Variants in CHSY3 observed in about 807,000 individuals in gnomAD.
CHSY3 encodes chondroitin sulfate synthase 3.
In CHSY3, 35 loss-of-function variants were observed where a neutral mutation model predicts 67.2. That is an observed-to-expected ratio of 0.52 (90% CI 0.40 to 0.69). CHSY3 has a LOEUF of 0.69. Among genes scored for constraint, CHSY3 ranks in the 30% least tolerant of loss-of-function variants. The pLI, the probability that CHSY3 is intolerant of heterozygous loss-of-function variation, is 0.00. For missense variants in CHSY3, 1,069 were observed against 1,138.5 expected, an observed-to-expected ratio of 0.94 and a Z score of 0.88; for synonymous variants, 474 against 434.7, an observed-to-expected ratio of 1.09 and a Z score of -1.12.
At position 130,158,688 on chromosome 5, in the gene CHSY3, C is replaced by T. The variant is rs548686220; in HGVS notation, c.1087-25541C>T. Among the ~76,000 whole-genome samples, 7 of 152,258 alleles carry T rather than the reference C, an allele frequency of 4.6e-5. No individual in the cohort carries two copies. The South Asian group carries it at 1.0e-3, about 23-fold the overall frequency. On this transcript the variant is annotated intron_variant, in intron 2 of 2. Transcript: ENST00000305031. ...TTTTATAAAGGAAAGTATGGGTGAG[C>T]TGAAAACTTATTCTAGAGTTTTTGC...
chr5:130,160,544 T>C lies in CHSY3; in HGVS notation c.1087-23685T>C, dbSNP rs151107298. ...AACAGTTTACTGAGCACCTACTCTG[T>C]GCTTTCCTGGTGTCCTCGGCATTTG... is the stretch of plus-strand genomic sequence containing the variant. On this transcript the variant is annotated intron_variant, in intron 2 of 2. Transcript: ENST00000305031. Among the ~76,000 whole-genome samples, 623 of 152,376 alleles carry C rather than the reference T, an allele frequency of 4.1e-3. 8 individuals are homozygous for C. The highest frequency in any genetic ancestry group is 0.035 in the South Asian group (171 of 4,832).
intron 2 of CHSY3, among the ~76,000 whole-genome samples, chr5:129,958,596 T>A (rs866253293): frequency 6.6e-6 from 1 of 152,302 alleles, no homozygotes. Context: ...AGCAGTGTGA[T>A]CACAGATCAC....
chr5:129,936,196 C>T (rs1761482569), intron 2 of CHSY3, among the ~76,000 whole-genome samples: 1 of 152,160 alleles, frequency 6.6e-6, no homozygotes, highest in African/African-American at 2.4e-5. Flanking sequence ...TAATTTGCCT[C>T]TAATTCACTT....
chr5:130,017,180 GT>G (rs756102219), intron 2 of CHSY3, among the ~76,000 whole-genome samples: 72 of 149,636 alleles, frequency 4.8e-4, no homozygotes, highest in African/African-American at 6.4e-4. Context: ...GCCGGCAGTT[GT>G]TTTTTTTTTC....
rs564124012 is a variant in CHSY3, at chr5:129,988,175, T to A, written c.1086+79815T>A. 2.0e-5 allele frequency among the ~76,000 whole-genome samples: 3 copies of A among 152,314 alleles called. No individual in the cohort carries two copies. The East Asian group carries it at 5.8e-4, about 29-fold the overall frequency. ...CCAGAGAAATGTACTCTCTTTACAATGACATATTGTTCCCTGAATTTGGAT... is the reference window on the plus strand; with the variant it reads ...CCAGAGAAATGTACTCTCTTTACAAAGACATATTGTTCCCTGAATTTGGAT... On this transcript the variant is annotated intron_variant, in intron 2 of 2. Transcript: ENST00000305031.
intron 2 of CHSY3, among the ~76,000 whole-genome samples, chr5:129,956,383 G>T (rs2149604535): frequency 6.6e-6 from 1 of 151,932 alleles, no homozygotes. Context: ...GATGTCCTTT[G>T]TCCACTTTTT....
chr5:130,121,360 C>T (rs1304828682), intron 2 of CHSY3, among the ~76,000 whole-genome samples: 1 of 152,056 alleles, frequency 6.6e-6, no homozygotes, highest in African/African-American at 2.4e-5. Flanking sequence ...ACCTAGAAAT[C>T]CATTTTTCTA....
intron 2 of CHSY3, among the ~76,000 whole-genome samples, chr5:130,034,835 C>T (rs1426017193): frequency 1.3e-5 from 2 of 151,930 alleles, no homozygotes; most frequent in Non-Finnish European, 2.9e-5. Context: ...GAAAATGAGG[C>T]AGAAAAATAT....
intron 2 of CHSY3, among the ~76,000 whole-genome samples, chr5:129,909,042 T>C (rs752629748): frequency 6.6e-6 from 1 of 152,174 alleles, no homozygotes; most frequent in African/African-American, 2.4e-5. Flanking sequence ...TCTATTCTTA[T>C]GCTATTTTCT....
In CHSY3 at chr5:129,908,430, G is replaced by T. The variant is rs1283055403; in HGVS notation, c.1086+70G>T. 1.9e-6 allele frequency: 3 copies of T among 1,545,136 alleles called. No individual in the cohort carries two copies. The African/African-American group carries it at 4.1e-5, about 21-fold the overall frequency. ...ATGCCATTTTATAATCTAGGGCAGCGATTCTATTCATTCTCTCTGTATCTT... is the reference window on the plus strand; with the variant it reads ...ATGCCATTTTATAATCTAGGGCAGCTATTCTATTCATTCTCTCTGTATCTT... On this transcript the variant is annotated intron_variant, in intron 2 of 2. Transcript: ENST00000305031.
intron 2 of CHSY3, among the ~76,000 whole-genome samples, chr5:130,165,939 T>C (rs1161164927): frequency 6.6e-6 from 1 of 152,078 alleles, no homozygotes; most frequent in Non-Finnish European, 1.5e-5. Flanking sequence ...CACGTGAATA[T>C]TTTGATTACA....
At chr5:130,017,360 A>G (rs1344814750) in intron 2 of CHSY3, among the ~76,000 whole-genome samples, 1 of 152,118 alleles carries the variant, frequency 6.6e-6, no homozygotes, top group African/African-American at 2.4e-5. Flanking sequence ...CTGTCAAACT[A>G]GTCTCTTCAT....
chr5:130,066,161 A>C (rs1475494343), intron 2 of CHSY3, among the ~76,000 whole-genome samples: 1 of 151,992 alleles, frequency 6.6e-6, no homozygotes, highest in South Asian at 2.1e-4. Flanking sequence ...TTCCTTTTCA[A>C]TACTCCTGTT....
intron 2 of CHSY3, among the ~76,000 whole-genome samples, chr5:130,179,741 T>G (rs10065472): frequency 0.94 from 141,319 of 151,140 alleles, 66,135 homozygotes; most frequent in East Asian, 1. Context: ...TTTTTTTTTT[T>G]ATACTTTGTG....
At chr5:129,974,428 C>T (rs1458094343) in intron 2 of CHSY3, among the ~76,000 whole-genome samples, 1 of 152,098 alleles carries the variant, frequency 6.6e-6, no homozygotes, top group African/African-American at 2.4e-5. Context: ...TTATACTCAC[C>T]CCTACCCCCA....
At chr5:129,983,190 A>G (rs1292065737) in intron 2 of CHSY3, among the ~76,000 whole-genome samples, 3 of 152,146 alleles carry the variant, frequency 2.0e-5, no homozygotes, top group Middle Eastern at 3.4e-3. Context: ...TCTTTGCTTC[A>G]CCTCTCTTCT....
chr5:130,000,732 CTTTTTTTTTTTTT>C (rs71000946), intron 2 of CHSY3, among the ~76,000 whole-genome samples: 10 of 76,452 alleles, frequency 1.3e-4, no homozygotes, highest in South Asian at 6.7e-4. Context: ...AACTTTTCTT[CTTTTTTTTTTTTT>C]TTTTTTTTTT....
chr5:130,136,228 G>C (rs1035125734), intron 2 of CHSY3, among the ~76,000 whole-genome samples: 1 of 152,174 alleles, frequency 6.6e-6, no homozygotes. Context: ...TAGAGAAGTG[G>C]AGTGGTTGCC....
intron 2 of CHSY3, among the ~76,000 whole-genome samples, chr5:130,108,419 T>G (rs1767481129): frequency 1.3e-5 from 2 of 151,710 alleles, no homozygotes; most frequent in Admixed American, 1.3e-4. Context: ...AAGTACTTAA[T>G]ACAAATAAAT....
Sources: gnomAD v4.1 joint callset for allele counts (sites outside exome capture counted in the v4.1 genomes callset) on GRCh38, gnomAD v4.1.1 for gene constraint, MANE v1.5 for transcripts, NCBI Gene and HGNC (gene_info 2026-07-23, HGNC 2026-07-21) for gene names.